The following GRM5 variants were observed in gnomAD, a reference collection of about 807,000 sequenced individuals.
The protein encoded by GRM5 is glutamate metabotropic receptor 5.
Under a neutral mutation model 83.1 loss-of-function variants are expected in GRM5, and 19 were observed. That is an observed-to-expected ratio of 0.23 (90% confidence interval 0.16 to 0.34). The LOEUF is 0.34. Ranked by LOEUF, GRM5 falls within the 10% of genes least tolerant of loss-of-function variation. GRM5 has a pLI of 1.00. For synonymous variants in GRM5, 675 were observed against 633.6 expected, an observed-to-expected ratio of 1.07 and a Z score of -0.98; for missense variants, 1,160 against 1,588.3, an observed-to-expected ratio of 0.73 and a Z score of 4.58.
intron 2 of GRM5, among the ~76,000 whole-genome samples, chr11:88,865,864 C>T (rs934267468): frequency 6.6e-6 from 1 of 152,078 alleles, no homozygotes; most frequent in African/African-American, 2.4e-5. Flanking sequence ...GAGATGCCAT[C>T]TCAGGCCAGT....
chr11:88,701,999 G>A (rs1264101290), intron 3 of GRM5, among the ~76,000 whole-genome samples: 2 of 151,966 alleles, frequency 1.3e-5, no homozygotes, highest in African/African-American at 4.8e-5. Context: ...CAGTTGTTGT[G>A]TCTAAAGTCC....
intron 3 of GRM5, among the ~76,000 whole-genome samples, chr11:88,844,166 G>T (rs1944256712): frequency 6.6e-6 from 1 of 152,114 alleles, no homozygotes; most frequent in South Asian, 2.1e-4. Context: ...ACTCTTCTAT[G>T]AGGAGATAAT....
chr11:88,681,566 T>TTTTTTTTTTTTTTTTTTC (rs1940490917), intron 3 of GRM5, among the ~76,000 whole-genome samples: 1 of 29,390 alleles, frequency 3.4e-5, no homozygotes, highest in Non-Finnish European at 5.8e-5. Context: ...GAGTTCTTCC[T>TTTTTTTTTTTTTTTTTTC]TTTTTTTTTT....
intron 8 of GRM5, among the ~76,000 whole-genome samples, chr11:88,535,276 T>C (rs1472698712): frequency 1.3e-5 from 2 of 152,228 alleles, no homozygotes; most frequent in Non-Finnish European, 2.9e-5. Flanking sequence ...GCCACTTTAC[T>C]CATCAGTTTT....
intron 4 of GRM5, among the ~76,000 whole-genome samples, chr11:88,625,500 T>G (rs2135263244): frequency 6.6e-6 from 1 of 152,256 alleles, no homozygotes; most frequent in Admixed American, 6.5e-5. Flanking sequence ...GGGTCACAAT[T>G]TGACCTTCAT....
intron 2 of GRM5, among the ~76,000 whole-genome samples, chr11:88,871,166 T>A (rs540058533): frequency 1.3e-5 from 2 of 151,770 alleles, no homozygotes; most frequent in East Asian, 3.9e-4. Context: ...TCTCAATGAA[T>A]GTTCAAAACA....
intron 2 of GRM5, among the ~76,000 whole-genome samples, chr11:89,031,355 TTTTG>T (rs1941258352): frequency 6.6e-6 from 1 of 151,972 alleles, no homozygotes; most frequent in East Asian, 1.9e-4. Context: ...TTTTGATTAT[TTTTG>T]TTTTTGTTGT....
chr11:88,539,759 C>A (rs1942221322), intron 8 of GRM5, among the ~76,000 whole-genome samples: 1 of 152,178 alleles, frequency 6.6e-6, no homozygotes, highest in Admixed American at 6.5e-5. Flanking sequence ...TGTCTGCTCC[C>A]ACATACCCTA....
chr11:89,017,431 C>T (rs1408766099), intron 2 of GRM5, among the ~76,000 whole-genome samples: 1 of 152,144 alleles, frequency 6.6e-6, no homozygotes, highest in East Asian at 1.9e-4. Context: ...TTCAGCACAC[C>T]TCCTCCTTCC....
intron 3 of GRM5, among the ~76,000 whole-genome samples, chr11:88,824,388 G>T (rs542554454): frequency 2.6e-4 from 39 of 152,130 alleles, no homozygotes; most frequent in African/African-American, 9.4e-4. Flanking sequence ...TATATGAATT[G>T]CTCTCCTCCC....
intron 2 of GRM5, among the ~76,000 whole-genome samples, chr11:88,946,851 G>A (rs1175867822): frequency 6.6e-6 from 1 of 152,096 alleles, no homozygotes; most frequent in African/African-American, 2.4e-5. Flanking sequence ...GGGAGAAAAT[G>A]AGAACAGGAT....
intron 2 of GRM5, among the ~76,000 whole-genome samples, chr11:88,942,851 CATT>C (rs1938159787): frequency 6.6e-6 from 1 of 151,986 alleles, no homozygotes; most frequent in Non-Finnish European, 1.5e-5. Flanking sequence ...GTTTTAACAT[CATT>C]GTTATCTCAG....
intron 7 of GRM5, among the ~76,000 whole-genome samples, chr11:88,578,241 G>A (rs1472737737): frequency 6.6e-6 from 1 of 152,060 alleles, no homozygotes; most frequent in Admixed American, 6.6e-5. Flanking sequence ...TGTCAAGATA[G>A]GAGGAATTTA....
intron 2 of GRM5, among the ~76,000 whole-genome samples, chr11:88,982,032 T>TA (rs1211881153): frequency 1.3e-5 from 2 of 152,216 alleles, no homozygotes; most frequent in Non-Finnish European, 1.5e-5. Flanking sequence ...CTCCAACATG[T>TA]AAAAAACCTT....
intron 2 of GRM5, among the ~76,000 whole-genome samples, chr11:89,043,078 C>A (rs912185753): frequency 6.6e-6 from 1 of 152,156 alleles, no homozygotes; most frequent in African/African-American, 2.4e-5. Context: ...TTTGACACCT[C>A]ATTTTTATAA....
intron 3 of GRM5, among the ~76,000 whole-genome samples, chr11:88,812,279 C>T (rs1023238592): frequency 1.6e-4 from 19 of 122,450 alleles, no homozygotes; most frequent in Admixed American, 1.4e-3. Flanking sequence ...GAAGAGGCCC[C>T]CAAAAATTGA....
chr11:88,798,846 A>C (rs1006547278), intron 3 of GRM5, among the ~76,000 whole-genome samples: 2 of 151,268 alleles, frequency 1.3e-5, no homozygotes, highest in Non-Finnish European at 3.0e-5. Flanking sequence ...ACAACAAAAA[A>C]AAACTGCAAC....
chr11:88,954,443 G>C (rs56036147), intron 2 of GRM5, among the ~76,000 whole-genome samples: 1,999 of 152,112 alleles, frequency 0.013, 48 homozygotes, highest in African/African-American at 0.046. Context: ...ATCACATGTT[G>C]TATAAAGAAA....
At chr11:88,652,659 G>A (rs149488777) in intron 4 of GRM5, among the ~76,000 whole-genome samples, 1 of 152,076 alleles carries the variant, frequency 6.6e-6, no homozygotes, top group Non-Finnish European at 1.5e-5. Flanking sequence ...CATAGGTTAC[G>A]TTTCCTGAAA....
Sources: allele counts gnomAD v4.1 joint callset (sites outside exome capture counted in the v4.1 genomes callset), GRCh38; gene constraint gnomAD v4.1.1; transcripts MANE v1.5; gene names NCBI Gene and HGNC (gene_info 2026-07-23, HGNC 2026-07-21).